TEX26: variants seen among roughly 807,000 people sequenced by gnomAD.
TEX26 encodes the protein testis expressed 26.
A neutral mutation model predicts 35.3 loss-of-function variants in TEX26; 34 were observed. The observed-to-expected ratio is 0.96, with a 90% CI of 0.73 to 1.28. TEX26 has a LOEUF of 1.28. Among genes scored for constraint, TEX26 ranks in the 50% most tolerant of loss-of-function variants. The pLI, the probability that TEX26 is intolerant of heterozygous loss-of-function variation, is 0.00. For missense variants in TEX26, 371 were observed against 330.1 expected (o/e 1.12, Z -0.96); for synonymous variants, 136 against 111.8 (o/e 1.22, Z -1.36).
intron 4 of TEX26, among the ~76,000 whole-genome samples, chr13:30,960,591 C>G (rs1327799717): frequency 6.6e-6 from 1 of 152,148 alleles, no homozygotes; most frequent in Non-Finnish European, 1.5e-5. Context: ...AATTTTATTA[C>G]AGGTCTCATA....
intron 4 of TEX26, among the ~76,000 whole-genome samples, chr13:30,962,371 T>G (rs905990984): frequency 2.0e-5 from 3 of 152,284 alleles, no homozygotes; most frequent in Admixed American, 2.0e-4. Flanking sequence ...ACTAACAGCC[T>G]CCGCATACCT....
intron 3 of TEX26, among the ~76,000 whole-genome samples, chr13:30,954,377 T>A (rs990719710): frequency 8.4e-6 from 1 of 118,978 alleles, no homozygotes; most frequent in African/African-American, 2.9e-5. Context: ...TCTCTAAAAA[T>A]ATATATATCT....
At position 30,948,751 on chromosome 13, in the gene TEX26, C is replaced by T. The variant is rs564303449; in HGVS notation, c.147-3909C>T. Among the ~76,000 whole-genome samples, 5 of 152,238 alleles carry T rather than the reference C, an allele frequency of 3.3e-5. No individual in the cohort carries two copies. The South Asian group carries it at 1.0e-3, about 32-fold the overall frequency. ...CAGAAGCTCTTTAGTTTAATTAGAT[C>T]CCATTTGTCAATTTTGGCTTTTGTT... On this transcript the variant is annotated intron_variant, in intron 2 of 6. Coordinates refer to ENST00000380473, the MANE Select transcript of TEX26 (RefSeq NM_152325.3).
chr13:30,969,590 C>A (rs73455620), intron 6 of TEX26, among the ~76,000 whole-genome samples: 4,661 of 152,122 alleles, frequency 0.031, 227 homozygotes, highest in African/African-American at 0.11. Context: ...ATCTTAGGGG[C>A]AACAGGTCAG....
At chr13:30,939,470 G>A (rs1417372667) in intron 1 of TEX26, among the ~76,000 whole-genome samples, 1 of 152,144 alleles carries the variant, frequency 6.6e-6, no homozygotes, top group African/African-American at 2.4e-5. Context: ...ATGCATGAAT[G>A]CTCAGGAGAA....
At chr13:30,943,317 G>A (rs1409685416) in intron 2 of TEX26, among the ~76,000 whole-genome samples, 9 of 152,084 alleles carry the variant, frequency 5.9e-5, no homozygotes, top group Admixed American at 5.2e-4. Context: ...GTATATAGCA[G>A]TGCTACTGAT....
intron 2 of TEX26, among the ~76,000 whole-genome samples, chr13:30,940,445 T>C (rs1953446713): frequency 6.9e-6 from 1 of 145,418 alleles, no homozygotes; most frequent in Non-Finnish European, 1.5e-5. Flanking sequence ...GCCATTCTCC[T>C]GCCTCAGCCT....
At chr13:30,938,742 C>T (rs1953366109) in intron 1 of TEX26, among the ~76,000 whole-genome samples, 1 of 152,208 alleles carries the variant, frequency 6.6e-6, no homozygotes, top group African/African-American at 2.4e-5. Flanking sequence ...GTGTTTGACT[C>T]CCTTCTCTGG....
At chr13:30,934,277 G>A (rs766858762) in intron 1 of TEX26, among the ~76,000 whole-genome samples, 15 of 152,318 alleles carry the variant, frequency 9.8e-5, no homozygotes, top group Admixed American at 2.6e-4. Flanking sequence ...GCTACTCTGT[G>A]CCACTTCATT....
intron 2 of TEX26, among the ~76,000 whole-genome samples, chr13:30,945,388 G>A (rs2138208886): frequency 6.6e-6 from 1 of 151,366 alleles, no homozygotes; most frequent in South Asian, 2.1e-4. Context: ...TGTGGTTTGT[G>A]GATTTTTTTT....
At chr13:30,943,192 C>T (rs758707871) in intron 2 of TEX26, among the ~76,000 whole-genome samples, 4 of 151,952 alleles carry the variant, frequency 2.6e-5, no homozygotes, top group African/African-American at 9.7e-5. Context: ...TGTAGCTCTC[C>T]TTGTAGAGAT....
Position 30,938,607 on chromosome 13 carries a change from GCAAATGCTATCAA to G in TEX26, c.62-1084_62-1072del, listed in dbSNP as rs1289806204. On this transcript the variant is annotated intron_variant, in intron 1 of 6. Coordinates refer to ENST00000380473, the MANE Select transcript of TEX26 (RefSeq NM_152325.3). ...TAATTACCTCTCAAAGGCCCCACCT[GCAAATGCTATCAA>G]CATATACATTTGGGGATTAAGTTCC... Among the ~76,000 whole-genome samples, 3 of 152,274 alleles carry G rather than the reference GCAAATGCTATCAA, an allele frequency of 2.0e-5. No individual in the cohort carries two copies. In the East Asian group the frequency reaches 5.8e-4, roughly 29 times the overall value.
intron 4 of TEX26, among the ~76,000 whole-genome samples, chr13:30,965,849 A>C (rs1481382455): frequency 6.6e-6 from 1 of 152,196 alleles, no homozygotes; most frequent in African/African-American, 2.4e-5. Context: ...AGTAGATAGC[A>C]AGTATTTACA....
At chr13:30,963,138 G>A (rs1440976320) in intron 4 of TEX26, among the ~76,000 whole-genome samples, 2 of 152,094 alleles carry the variant, frequency 1.3e-5, no homozygotes, top group Admixed American at 1.3e-4. Flanking sequence ...GGTCCTAATA[G>A]TTTTGAATGG....
At chr13:30,970,779 CT>C (rs1954687346) in intron 6 of TEX26, among the ~76,000 whole-genome samples, 1 of 152,172 alleles carries the variant, frequency 6.6e-6, no homozygotes. Flanking sequence ...AGTGGCGCCC[CT>C]GAGGGTGAAC....
intron 6 of TEX26, among the ~76,000 whole-genome samples, chr13:30,969,903 A>G (rs1403668368): frequency 2.0e-5 from 3 of 152,038 alleles, no homozygotes; most frequent in South Asian, 2.1e-4. Flanking sequence ...TCTGTACCCC[A>G]TTTTGTGCTC....
intron 2 of TEX26, among the ~76,000 whole-genome samples, chr13:30,944,465 T>C (rs560854072): frequency 1.3e-5 from 2 of 152,114 alleles, no homozygotes; most frequent in South Asian, 4.1e-4. Flanking sequence ...TCCGATCTTA[T>C]TTCTTTTCTT....
At chr13:30,967,041 C>T (rs2138332697) in intron 5 of TEX26, among the ~76,000 whole-genome samples, 1 of 152,294 alleles carries the variant, frequency 6.6e-6, no homozygotes, top group South Asian at 2.1e-4. Context: ...GATGCAGTTG[C>T]TGTCAAGTGA....
chr13:30,969,424 T>C (rs1566168974), intron 6 of TEX26, among the ~76,000 whole-genome samples: 1 of 152,226 alleles, frequency 6.6e-6, no homozygotes, highest in Non-Finnish European at 1.5e-5. Flanking sequence ...TATTTTCTGT[T>C]TGCTGGTACA....
Sources: allele counts gnomAD v4.1 joint callset (sites outside exome capture counted in the v4.1 genomes callset), GRCh38; gene constraint gnomAD v4.1.1; transcripts MANE v1.5; gene names NCBI Gene and HGNC (gene_info 2026-07-23, HGNC 2026-07-21).